PRAC1: variants seen among roughly 807,000 people sequenced by gnomAD.
PRAC1 encodes small nuclear protein PRAC1.
Under a neutral mutation model 3.1 loss-of-function variants are expected in PRAC1, and 4 were observed. The ratio of observed to expected loss-of-function variants is 1.28; its 90% confidence interval spans 0.63 to 2.93. The LOEUF (loss-of-function observed/expected upper bound fraction) is 2.93, where lower values mean the gene tolerates loss of function less well. PRAC1 is among the 30% of genes most tolerant of loss of function. PRAC1 has a pLI of 0.01. For synonymous variants in PRAC1, 32 were observed against 27.0 expected (o/e 1.18, Z -0.57); for missense variants, 72 against 66.8 (o/e 1.08, Z -0.27).
At position 48,722,423 on chromosome 17, in the gene PRAC1, A is replaced by C; in HGVS notation, c.-31T>G. 2 of 1,604,258 alleles carry C rather than the reference A, an allele frequency of 1.2e-6. No individual in the cohort carries two copies. Among genetic ancestry groups the C allele is most frequent in the African/African-American group, 2.7e-5 (2 of 74,868 alleles). ...TTCTCTCTGCAAAGGTGGGGACCAG[A>C]ATCCAGCTTGCCTGACCTTGCAAGC... On this transcript the variant is annotated 5_prime_UTR_variant, in exon 1 of 2. In the 5' UTR this introduces an upstream ATG that the reference lacks. Transcript: ENST00000290294.
At chr17:48,722,045 G>A (rs1414189574) in intron 1 of PRAC1, 146 bp from the exon 2 acceptor site, 20 of 953,402 alleles carry the variant, frequency 2.1e-5, no homozygotes, top group Non-Finnish European at 2.5e-5. Flanking sequence ...CCACTCCCAA[G>A]CCTCTCCCCC....
Sources: allele counts gnomAD v4.1 joint callset, GRCh38; gene constraint gnomAD v4.1.1; transcripts MANE v1.5; gene names NCBI Gene and HGNC (gene_info 2026-07-23, HGNC 2026-07-21).